Variants in ZNF626 observed in about 807,000 individuals in gnomAD.
The protein encoded by ZNF626 is zinc finger protein 626.
ZNF626 carries 4 observed loss-of-function variants against 11.7 expected under a neutral mutation model. The observed-to-expected ratio is 0.34, with a 90% CI of 0.17 to 0.78. The LOEUF (loss-of-function observed/expected upper bound fraction) is 0.78. Ranked by LOEUF, ZNF626 falls within the 30% of genes least tolerant of loss-of-function variation. ZNF626 has a pLI of 0.57. For missense variants in ZNF626, 588 were observed against 587.1 expected (o/e 1.00, Z -0.01); for synonymous variants, 179 against 198.6 (o/e 0.90, Z 0.83).
At chr19:20,646,941 G>A (rs371971055) in intron 1 of ZNF626, among the ~76,000 whole-genome samples, 5 of 152,136 alleles carry the variant, frequency 3.3e-5, no homozygotes, top group African/African-American at 9.6e-5. Flanking sequence ...TCCGCCTCCC[G>A]GGTTCAAGCA....
chr19:20,626,765 A>G (rs1969839250), intron 3 of ZNF626, among the ~76,000 whole-genome samples: 1 of 152,060 alleles, frequency 6.6e-6, no homozygotes, highest in African/African-American at 2.4e-5. Context: ...CTGTAATCGC[A>G]GCAACTTAGG....
At chr19:20,657,700 G>A (rs1401682721) in intron 1 of ZNF626, among the ~76,000 whole-genome samples, 1 of 152,038 alleles carries the variant, frequency 6.6e-6, no homozygotes, top group East Asian at 1.9e-4. Context: ...AGCTACATAG[G>A]AGGCTGAGGC....
At chr19:20,637,237 C>T (rs1479353302) in intron 3 of ZNF626, among the ~76,000 whole-genome samples, 2 of 151,810 alleles carry the variant, frequency 1.3e-5, no homozygotes, top group African/African-American at 4.8e-5. Flanking sequence ...GCCTGTAAGC[C>T]CAGTGCTTTG....
At chr19:20,651,937 C>A (rs1384459251) in intron 1 of ZNF626, among the ~76,000 whole-genome samples, 2 of 151,848 alleles carry the variant, frequency 1.3e-5, no homozygotes, top group Non-Finnish European at 2.9e-5. Context: ...TTTTTTTTTA[C>A]ACTTACACAT....
At chr19:20,661,314 C>G in intron 1 of ZNF626, 130 bp downstream of exon 1, 2 of 1,273,098 alleles carry the variant, frequency 1.6e-6, no homozygotes, top group Non-Finnish European at 2.3e-6. Context: ...TGAGGCCGAG[C>G]TGAGCAAGGA....
intron 1 of ZNF626, among the ~76,000 whole-genome samples, chr19:20,655,629 A>G (rs1970196282): frequency 6.6e-6 from 1 of 152,174 alleles, no homozygotes; most frequent in African/African-American, 2.4e-5. Context: ...CCTTAAGAAA[A>G]GAGGGAATAG....
chr19:20,634,366 A>G (rs1470277431), intron 3 of ZNF626, among the ~76,000 whole-genome samples: 4 of 152,218 alleles, frequency 2.6e-5, no homozygotes, highest in Admixed American at 2.6e-4. Context: ...CCTTCTCATT[A>G]CCTCATACAA....
rs1271605384 is a variant in ZNF626 at position 20,622,961 on chromosome 19, G to A, written c.*1329C>T. The A allele has an allele frequency of 6.6e-6, 1 of 151,144 alleles. No homozygotes were observed. The highest frequency in any genetic ancestry group is 1.5e-5 in the Non-Finnish European group (1 of 67,918). The allele number at this position is 151,144 out of a possible 1,614,324, so 9.4% of individuals were successfully genotyped here. A position where few individuals can be genotyped will look rare whatever the true frequency, so the allele number is the denominator to read the frequency against. ...TTTGCAGGACCCTTCTCCAATATAA[G>A]TTCTCTGATGTTGAGCAAAGCTTGA... is the stretch of plus-strand genomic sequence containing the variant. On this transcript the variant is annotated 3_prime_UTR_variant, in exon 4 of 4. Coordinates refer to ENST00000601440, the MANE Select transcript of ZNF626 (RefSeq NM_001076675.3).
chr19:20,624,720 G>T lies in ZNF626; in HGVS notation c.1157C>A (p.Thr386Lys). 1 of 1,609,570 alleles carries T rather than the reference G, an allele frequency of 6.2e-7. No individual in the cohort carries two copies. Among genetic ancestry groups the T allele is most frequent in the Non-Finnish European group, 8.5e-7 (1 of 1,178,110 alleles). The change falls in exon 4 of 4, where the codon ACG becomes AAG. Residue 386 changes from threonine (T) to lysine (K), a missense_variant. Transcript: ENST00000601440. ...CTCTCCAGTATGAATTATCTTATGCGTAGTAAGGTCTGAAGACCGCTTGAA... is the reference window on the plus strand; with the variant it reads ...CTCTCCAGTATGAATTATCTTATGCTTAGTAAGGTCTGAAGACCGCTTGAA... ...KAFKRSSDLT[T>K]HKIIHTGEKP...
intron 3 of ZNF626, among the ~76,000 whole-genome samples, chr19:20,636,128 C>T (rs1969962916): frequency 6.6e-6 from 1 of 152,056 alleles, no homozygotes; most frequent in African/African-American, 2.4e-5. Context: ...GTGAAATTCC[C>T]TCTCAAAAAA....
rs999733625 is a variant in ZNF626, at chr19:20,633,419, G to A, written c.227-7769C>T. On this transcript the variant is annotated intron_variant, in intron 3 of 3. Coordinates refer to ENST00000601440, the MANE Select transcript of ZNF626 (RefSeq NM_001076675.3). ...AGAGGCAGGCAGGCCTCCTTGAGCTGTGGTGGGCTCCACCCAGTTTGAGCT... is the reference window on the plus strand; with the variant it reads ...AGAGGCAGGCAGGCCTCCTTGAGCTATGGTGGGCTCCACCCAGTTTGAGCT... 4.6e-4 allele frequency among the ~76,000 whole-genome samples: 70 copies of A among 152,352 alleles called. 1 individual carries two copies. The highest frequency in any genetic ancestry group is 1.1e-3 in the Admixed American group (17 of 15,308).
intron 1 of ZNF626, among the ~76,000 whole-genome samples, chr19:20,655,083 G>A (rs1970190249): frequency 6.7e-6 from 1 of 149,924 alleles, no homozygotes; most frequent in African/African-American, 2.5e-5. Flanking sequence ...CTGCACTCCA[G>A]CCTCGGCAAC....
At position 20,659,590 on chromosome 19, in the gene ZNF626, G is replaced by C. The variant is rs553726571; in HGVS notation, c.3+1854C>G. Among the ~76,000 whole-genome samples the C allele has an allele frequency of 2.0e-5, 3 of 152,030 alleles. No individual in the cohort carries two copies. In the East Asian group the frequency reaches 5.8e-4, roughly 30 times the overall value. ...ACTTAAGTTTATCTCCATCCCTCAG[G>C]CTAGTGAGGGATGGAGATAAGCCAT... On this transcript the variant is annotated intron_variant, in intron 1 of 3. Coordinates refer to ENST00000601440, the MANE Select transcript of ZNF626 (RefSeq NM_001076675.3).
intron 1 of ZNF626, among the ~76,000 whole-genome samples, chr19:20,659,103 T>C (rs1970236359): frequency 6.6e-6 from 1 of 152,200 alleles, no homozygotes; most frequent in African/African-American, 2.4e-5. Context: ...AGGAACAGTA[T>C]ACGGAAAGAA....
Position 20,632,813 on chromosome 19 carries a change from T to C in ZNF626, c.227-7163A>G, listed in dbSNP as rs184307471. ...CAAAGTCATTCTCTGTCCAGCTTTG[T>C]TCTGTTCCTGGTGAGGAGCTGCGTT... On this transcript the variant is annotated intron_variant, in intron 3 of 3. Coordinates refer to ENST00000601440, the MANE Select transcript of ZNF626 (RefSeq NM_001076675.3). Among the ~76,000 whole-genome samples, 301 of 152,358 alleles carry C rather than the reference T, an allele frequency of 2.0e-3. 1 individual carries two copies. Among genetic ancestry groups the C allele is most frequent in the African/African-American group, 6.9e-3 (287 of 41,584 alleles).
At chr19:20,631,554 C>G (rs1969905874) in intron 3 of ZNF626, among the ~76,000 whole-genome samples, 1 of 148,434 alleles carries the variant, frequency 6.7e-6, no homozygotes, top group African/African-American at 2.5e-5. Context: ...CCTTCTTTGT[C>G]TCTTTTGATC....
chr19:20,628,745 T>C (rs1405024378), intron 3 of ZNF626, among the ~76,000 whole-genome samples: 2 of 152,238 alleles, frequency 1.3e-5, no homozygotes, highest in African/African-American at 4.8e-5. Flanking sequence ...CTGTTCACTC[T>C]GATGGTGGTT....
At chr19:20,636,192 T>C (rs2144774991) in intron 3 of ZNF626, among the ~76,000 whole-genome samples, 1 of 151,982 alleles carries the variant, frequency 6.6e-6, no homozygotes, top group Non-Finnish European at 1.5e-5. Context: ...ACAAAACAAA[T>C]ATACAAGTGA....
At chr19:20,636,559 TA>T (rs1264087019) in intron 3 of ZNF626, among the ~76,000 whole-genome samples, 83 of 143,058 alleles carry the variant, frequency 5.8e-4, no homozygotes, top group Admixed American at 7.0e-4. Context: ...CTTGAAGATT[TA>T]AAAAAAAAAA....
Sources: gnomAD v4.1 joint callset for allele counts (sites outside exome capture counted in the v4.1 genomes callset) on GRCh38, gnomAD v4.1.1 for gene constraint, MANE v1.5 for transcripts, NCBI Gene and HGNC (gene_info 2026-07-23, HGNC 2026-07-21) for gene names.